The following PDE4D variants were observed in gnomAD, a reference collection of about 807,000 sequenced individuals.
PDE4D encodes the protein 3',5'-cyclic-AMP phosphodiesterase 4D.
PDE4D carries 24 observed loss-of-function variants against 87.4 expected under a neutral mutation model. That is an observed-to-expected ratio of 0.27 (90% confidence interval 0.20 to 0.39). The LOEUF is 0.39. Among genes scored for constraint, PDE4D ranks in the 10% least tolerant of loss-of-function variants. The pLI is 1.00. For missense variants in PDE4D, 714 were observed against 1,041.0 expected, an observed-to-expected ratio of 0.69 and a Z score of 4.32; for synonymous variants, 384 against 383.2, an observed-to-expected ratio of 1.00 and a Z score of -0.02.
At chr5:59,275,986 C>G (rs1356246257) in intron 1 of PDE4D, 1 of 985,150 alleles carries the variant, frequency 1.0e-6, no homozygotes, top group African/African-American at 1.7e-5. Context: ...AAAGTAATTT[C>G]TGTGTGTCCC....
At chr5:60,480,838 G>C (rs113562590) in intron 1 of PDE4D, among the ~76,000 whole-genome samples, 319 of 152,234 alleles carry the variant, frequency 2.1e-3, no homozygotes, top group African/African-American at 7.4e-3. Flanking sequence ...AAGAATGCAA[G>C]TGCCTATTAT....
chr5:60,271,960 GA>G (rs1282364125), intron 1 of PDE4D, among the ~76,000 whole-genome samples: 1 of 152,180 alleles, frequency 6.6e-6, no homozygotes, highest in Non-Finnish European at 1.5e-5. Context: ...TGAGGAAGAA[GA>G]AATGGATTCT....
intron 1 of PDE4D, among the ~76,000 whole-genome samples, chr5:59,577,546 C>T (rs564395933): frequency 6.8e-4 from 103 of 152,214 alleles, no homozygotes; most frequent in Middle Eastern, 6.8e-3. Context: ...TCAACCTTCT[C>T]ATTTTCATAT....
At chr5:59,148,658 C>T (rs568753492) in intron 5 of PDE4D, among the ~76,000 whole-genome samples, 1 of 151,906 alleles carries the variant, frequency 6.6e-6, no homozygotes, top group African/African-American at 2.4e-5. Context: ...AAATCCATTA[C>T]CAATGAAAAC....
At chr5:59,036,631 G>A (rs1424271411) in intron 6 of PDE4D, among the ~76,000 whole-genome samples, 2 of 152,150 alleles carry the variant, frequency 1.3e-5, no homozygotes, top group Admixed American at 6.5e-5. Flanking sequence ...TTTAGCAAGA[G>A]CTTTTTTTTC....
intron 1 of PDE4D, among the ~76,000 whole-genome samples, chr5:59,475,617 C>A (rs969638756): frequency 6.6e-6 from 1 of 152,004 alleles, no homozygotes; most frequent in Non-Finnish European, 1.5e-5. Flanking sequence ...GGGCTGGGGG[C>A]TCTCAGTTTT....
At chr5:59,871,872 A>C (rs1016791021) in intron 1 of PDE4D, among the ~76,000 whole-genome samples, 1 of 152,096 alleles carries the variant, frequency 6.6e-6, no homozygotes, top group African/African-American at 2.4e-5. Context: ...ACTGCCCCTC[A>C]TCCCTTCTAA....
intron 1 of PDE4D, among the ~76,000 whole-genome samples, chr5:59,791,547 T>C (rs965439682): frequency 1.7e-4 from 26 of 152,206 alleles, no homozygotes; most frequent in African/African-American, 5.3e-4. Context: ...GACAGAATTA[T>C]CCCTCAAACT....
chr5:59,220,829 G>A (rs1427686541), intron 1 of PDE4D, among the ~76,000 whole-genome samples: 1 of 125,054 alleles, frequency 8.0e-6, no homozygotes. Flanking sequence ...GAAAACACTT[G>A]GATGTGGTGA....
intron 1 of PDE4D, among the ~76,000 whole-genome samples, chr5:59,520,143 G>T (rs543775266): frequency 1.7e-4 from 26 of 152,070 alleles, no homozygotes; most frequent in Admixed American, 1.4e-3. Context: ...AGCACCTGTA[G>T]TCCCAGCTAC....
At chr5:58,978,533 T>G (rs1170893555) in intron 11 of PDE4D, among the ~76,000 whole-genome samples, 1 of 152,204 alleles carries the variant, frequency 6.6e-6, no homozygotes, top group Non-Finnish European at 1.5e-5. Flanking sequence ...AATATATATC[T>G]TTTTTTAAGA....
intron 1 of PDE4D, among the ~76,000 whole-genome samples, chr5:59,617,886 C>A (rs1829896288): frequency 6.6e-6 from 1 of 152,182 alleles, no homozygotes; most frequent in African/African-American, 2.4e-5. Context: ...CAACTCCTAC[C>A]ATACCAATGA....
At chr5:59,291,431 G>T (rs1767981799) in intron 1 of PDE4D, among the ~76,000 whole-genome samples, 1 of 152,020 alleles carries the variant, frequency 6.6e-6, no homozygotes, top group African/African-American at 2.4e-5. Flanking sequence ...AGGTTAGGTA[G>T]GGTAGCGTGG....
chr5:59,564,050 C>T (rs1820492977), intron 1 of PDE4D, among the ~76,000 whole-genome samples: 1 of 152,124 alleles, frequency 6.6e-6, no homozygotes, highest in African/African-American at 2.4e-5. Flanking sequence ...TTCAGAGGGG[C>T]TTGGGTTCAA....
intron 1 of PDE4D, among the ~76,000 whole-genome samples, chr5:59,294,688 C>G (rs1325330409): frequency 6.6e-6 from 1 of 152,172 alleles, no homozygotes; most frequent in East Asian, 1.9e-4. Context: ...TGCACGCAGT[C>G]ACGGACTCAA....
chr5:59,632,943 T>TA (rs899797441), intron 1 of PDE4D, among the ~76,000 whole-genome samples: 2 of 152,096 alleles, frequency 1.3e-5, no homozygotes, highest in African/African-American at 4.8e-5. Context: ...TCCTCCAAGC[T>TA]AAAAAAGTAT....
At chr5:59,713,913 C>T (rs1754593816) in intron 1 of PDE4D, among the ~76,000 whole-genome samples, 1 of 152,182 alleles carries the variant, frequency 6.6e-6, no homozygotes, top group South Asian at 2.1e-4. Context: ...TGCCTGGAGG[C>T]CCAGCTACAC....
chr5:59,275,435 C>T (rs1310676548), intron 1 of PDE4D: 1 of 1,593,020 alleles, frequency 6.3e-7, no homozygotes, highest in East Asian at 2.2e-5. Flanking sequence ...AATAAGTCTT[C>T]AACTATTCTG....
chr5:59,628,100 T>A (rs1831114817), intron 1 of PDE4D, among the ~76,000 whole-genome samples: 1 of 152,362 alleles, frequency 6.6e-6, no homozygotes, highest in Admixed American at 6.5e-5. Flanking sequence ...GAATTCACTA[T>A]AAATGTTAAT....
Sources: allele counts gnomAD v4.1 joint callset (sites outside exome capture counted in the v4.1 genomes callset), GRCh38; gene constraint gnomAD v4.1.1; transcripts MANE v1.5; gene names NCBI Gene and HGNC (gene_info 2026-07-23, HGNC 2026-07-21).